ERFL: variants seen among roughly 807,000 people sequenced by gnomAD.
ERFL encodes ETS domain-containing transcription factor ERF-like.
In ERFL, 8 loss-of-function variants were observed where a neutral mutation model predicts 27.9. The ratio of observed to expected loss-of-function variants is 0.29; its 90% CI spans 0.17 to 0.52. ERFL has a LOEUF of 0.52. ERFL is among the 20% of genes least tolerant of loss of function. ERFL has a pLI of 0.97. For synonymous variants in ERFL, 174 were observed against 202.8 expected, an observed-to-expected ratio of 0.86 and a Z score of 1.21; for missense variants, 294 against 444.4, an observed-to-expected ratio of 0.66 and a Z score of 3.04.
chr19:41,909,836 G>A lies in ERFL; in HGVS notation c.302+27C>T. 1 of 1,574,992 alleles carries A rather than the reference G, an allele frequency of 6.3e-7. No homozygotes were observed. Among genetic ancestry groups the A allele is most frequent in the South Asian group, 1.2e-5 (1 of 84,850 alleles). On this transcript the variant is annotated intron_variant, in intron 3 of 5. Coordinates refer to ENST00000597630, the MANE Select transcript of ERFL (RefSeq NM_001365103.2). The surrounding 1 kb of genome is among the most constrained non-coding windows in gnomAD (Gnocchi z 5.2). ...GACAGTTGGGGGAAAAGGACAAGGT[G>A]GGATCCAGCCCCAAGCCCTTCCTCA...
rs2074741126 is a variant in ERFL, at chr19:41,909,575, T to C, written c.303-104A>G. The C allele has an allele frequency of 7.2e-6, 7 of 974,772 alleles. No homozygotes were observed. The highest frequency in any genetic ancestry group is 9.8e-6 in the Non-Finnish European group (7 of 714,232). The allele number at this position is 974,772 out of a possible 1,614,324, so 60.4% of individuals were successfully genotyped here. On this transcript the variant is annotated intron_variant, in intron 3 of 5. Transcript: ENST00000597630. The surrounding 1 kb of genome is among the most constrained non-coding windows in gnomAD (Gnocchi z 5.2). Reference sequence around the variant, plus strand: ...GTCCCAGGCATGGTGCACAGAGCACTAGAACTTGGGGAAACTGAGGCTCAC... The same window carrying C: ...GTCCCAGGCATGGTGCACAGAGCACCAGAACTTGGGGAAACTGAGGCTCAC...
At chr19:41,913,330 C>T (rs1555851439) in intron 1 of ERFL, among the ~76,000 whole-genome samples, 1 of 151,660 alleles carries the variant, frequency 6.6e-6, no homozygotes, top group East Asian at 1.9e-4. Context: ...CCCGCTCTCC[C>T]GCCTGACCTC....
chr19:41,922,229 A>T (rs1392637845), intron 1 of ERFL, among the ~76,000 whole-genome samples: 1 of 152,112 alleles, frequency 6.6e-6, no homozygotes, highest in Non-Finnish European at 1.5e-5. Context: ...GGGGCTTGGC[A>T]CCAAGAGTGT....
chr19:41,920,106 TCA>T (rs1297511842), intron 1 of ERFL, among the ~76,000 whole-genome samples: 2 of 91,082 alleles, frequency 2.2e-5, no homozygotes, highest in Non-Finnish European at 4.1e-5. Flanking sequence ...AGACATACAC[TCA>T]CAGACATGAC....
chr19:41,915,907 G>A (rs1244747152), intron 1 of ERFL, among the ~76,000 whole-genome samples: 5 of 152,254 alleles, frequency 3.3e-5, no homozygotes, highest in African/African-American at 1.2e-4. Context: ...CAGTGGCTGT[G>A]GATGGGGAGC....
chr19:41,920,939 CTCCGGCCCTGTGTGTGTGTCTCTGCA>C (rs2074838411), intron 1 of ERFL, among the ~76,000 whole-genome samples: 1 of 152,222 alleles, frequency 6.6e-6, no homozygotes, highest in Admixed American at 6.5e-5. Flanking sequence ...CTGTCTCTGC[CTCCGGCCCTGTGTGTGTGTCTCTGCA>C]TCTCTGTCTC....
intron 1 of ERFL, among the ~76,000 whole-genome samples, chr19:41,918,474 C>T (rs182431942): frequency 3.3e-5 from 5 of 149,532 alleles, no homozygotes; most frequent in Admixed American, 1.3e-4. Flanking sequence ...ACACCACACA[C>T]GCACCACGCA....
Position 41,910,088 on chromosome 19 carries a change from A to T in ERFL, c.77T>A (p.Phe26Tyr), listed in dbSNP as rs2074743768. ...CTCTGGCTTGTAGGCCCAATCCGGG[A>T]AGGCAAACCCTGGGGACGGGAGGCA... ...LPALWTPGFA[F>Y]PDWAYKPESS... is the part of the protein sequence containing the mutation. The change falls in exon 3 of 6, where the codon TTC (phenylalanine) becomes TAC (tyrosine). Residue 26 changes from phenylalanine to tyrosine, a missense_variant. Phe to Tyr is a conservative substitution (Grantham distance 22). This residue lies in a region of ERFL where 38 missense variants were observed against 35.3 expected (regional missense o/e 1.08). Transcript: ENST00000597630. This position sits in a 1 kb window ranked among gnomAD's most constrained non-coding sequence, Gnocchi z 4.4. The T allele has an allele frequency of 6.2e-7, 1 of 1,612,610 alleles. No individual in the cohort carries two copies. The highest frequency in any genetic ancestry group is 1.7e-5 in the Admixed American group (1 of 59,926).
At chr19:41,912,469 C>T (rs2074758715) in intron 2 of ERFL, among the ~76,000 whole-genome samples, 1 of 152,234 alleles carries the variant, frequency 6.6e-6, no homozygotes, top group Non-Finnish European at 1.5e-5. Context: ...GTCTGTCTAC[C>T]TGTCCATCCG....
At chr19:41,923,011 G>A (rs1390490675) in intron 1 of ERFL, 9 of 392,770 alleles carry the variant, frequency 2.3e-5, no homozygotes, top group Admixed American at 2.1e-4. Flanking sequence ...GGCAGCCTAG[G>A]GAAGAGGCGG....
At chr19:41,919,021 C>T (rs1277669908) in intron 1 of ERFL, among the ~76,000 whole-genome samples, 1 of 151,232 alleles carries the variant, frequency 6.6e-6, no homozygotes, top group Non-Finnish European at 1.5e-5. Flanking sequence ...ACACACCATG[C>T]CACAGACACT....
intron 1 of ERFL, among the ~76,000 whole-genome samples, chr19:41,920,766 G>A (rs995191849): frequency 5.9e-5 from 9 of 152,218 alleles, no homozygotes; most frequent in African/African-American, 1.7e-4. Flanking sequence ...ACACACAGAG[G>A]GACAGAATGG....
At position 41,908,535 on chromosome 19, in the gene ERFL, G is replaced by A; in HGVS notation, c.758C>T (p.Pro253Leu). The change falls in exon 6 of 6, where the codon CCC becomes CTC. Residue 253 changes from proline to leucine, a missense_variant. Around this residue, in one of 3 missense-constraint regions of ERFL, gnomAD observed 246 missense variants for 371.4 expected, o/e 0.66. Coordinates refer to ENST00000597630, the MANE Select transcript of ERFL (RefSeq NM_001365103.2). The surrounding 1 kb of genome is among the most constrained non-coding windows in gnomAD (Gnocchi z 6.7). ...PPSLYPPHFY[P>L]NPLASSLGHL... ...GCCCAGGGAACTGGCCAGAGGGTTG[G>A]GGTAGAAATGCGGGGGGTAGAGAGA... The A allele has an allele frequency of 8.1e-7, 1 of 1,231,816 alleles. No homozygotes were observed. The allele number at this position is 1,231,816 out of a possible 1,614,324, so 76.3% of individuals were successfully genotyped here.
At chr19:41,913,490 C>T (rs1379986435) in intron 1 of ERFL, among the ~76,000 whole-genome samples, 5 of 151,800 alleles carry the variant, frequency 3.3e-5, no homozygotes, top group Non-Finnish European at 7.4e-5. Flanking sequence ...AGCCCTGACC[C>T]GCAGCCGCCC....
In ERFL at chr19:41,909,001, C is replaced by G; in HGVS notation, c.616+59G>C. On this transcript the variant is annotated intron_variant, in intron 5 of 5. Transcript: ENST00000597630. This position sits in a 1 kb window ranked among gnomAD's most constrained non-coding sequence, Gnocchi z 5.2. ...CTCTTGTCTTTTCTCATCCTCTTCCCTCAAGCCTGCAGCTTCTCCCACTGT... is the reference window on the plus strand; with the variant it reads ...CTCTTGTCTTTTCTCATCCTCTTCCGTCAAGCCTGCAGCTTCTCCCACTGT... The G allele has an allele frequency of 1.9e-6, 2 of 1,065,632 alleles. No homozygotes were observed. Among genetic ancestry groups the G allele is most frequent in the Non-Finnish European group, 2.4e-6 (2 of 837,090 alleles). The allele number at this position is 1,065,632 out of a possible 1,614,324, so 66.0% of individuals were successfully genotyped here.
Position 41,912,865 on chromosome 19 carries a change from G to A in ERFL, c.55C>T (p.Leu19Phe). The change falls in exon 2 of 6, where the codon CTC becomes TTC. Residue 19 changes from leucine to phenylalanine, a missense_variant. Coordinates refer to ENST00000597630, the MANE Select transcript of ERFL (RefSeq NM_001365103.2). ...LLFAPPALPALWTPGFAFPDW... is the reference protein window; with the variant it reads ...LLFAPPALPAFWTPGFAFPDW... ...CCGGGCCAGTTACCGGGGGTCCAGA[G>A]AGCCGGCAGGGCGGGCGGGGCGAAG... 1.6e-6 allele frequency: 2 copies of A among 1,230,250 alleles called. No homozygotes were observed. Among genetic ancestry groups the A allele is most frequent in the South Asian group, 4.1e-5 (1 of 24,304 alleles). The allele number at this position is 1,230,250 out of a possible 1,614,324, so 76.2% of individuals were successfully genotyped here. A position where few individuals can be genotyped will look rare whatever the true frequency, so the allele number is the denominator to read the frequency against.
intron 1 of ERFL, among the ~76,000 whole-genome samples, chr19:41,918,590 C>T: frequency 6.7e-6 from 1 of 149,014 alleles, no homozygotes; most frequent in Non-Finnish European, 1.5e-5. Flanking sequence ...ACAGTACATA[C>T]ACTACCCATC....
At chr19:41,918,333 G>A (rs370958731) in intron 1 of ERFL, among the ~76,000 whole-genome samples, 1 of 140,600 alleles carries the variant, frequency 7.1e-6, no homozygotes, top group Non-Finnish European at 1.6e-5. Flanking sequence ...ACACACACAC[G>A]GTACACACCA....
chr19:41,913,864 C>T (rs919522241), intron 1 of ERFL, among the ~76,000 whole-genome samples: 1 of 151,000 alleles, frequency 6.6e-6, no homozygotes, highest in African/African-American at 2.4e-5. Flanking sequence ...GCTGCCCTCG[C>T]GCTCCCGAGA....
Sources: allele counts gnomAD v4.1 joint callset (sites outside exome capture counted in the v4.1 genomes callset), GRCh38; gene constraint gnomAD v4.1.1; regional missense constraint gnomAD v4.1.1; non-coding constraint Gnocchi (gnomAD v3.1); transcripts MANE v1.5; gene names NCBI Gene and HGNC (gene_info 2026-07-23, HGNC 2026-07-21).